Variants in CDH18 observed in about 807,000 individuals in gnomAD.
CDH18 encodes the protein cadherin-18.
A neutral mutation model predicts 67.9 loss-of-function variants in CDH18; 31 were observed. That is an observed-to-expected ratio of 0.46 (90% CI 0.34 to 0.62). The LOEUF (loss-of-function observed/expected upper bound fraction) is 0.62, where lower values mean the gene tolerates loss of function less well. Ranked by LOEUF, CDH18 falls within the 20% of genes least tolerant of loss-of-function variation. CDH18 has a pLI of 0.01. For missense variants in CDH18, 890 were observed against 975.5 expected (o/e 0.91, Z 1.17); for synonymous variants, 362 against 347.2 (o/e 1.04, Z -0.48).
chr5:20,556,979 T>C (rs941098191), intron 1 of CDH18, among the ~76,000 whole-genome samples: 2 of 152,140 alleles, frequency 1.3e-5, no homozygotes, highest in African/African-American at 4.8e-5. Context: ...GAAAAACCTA[T>C]TCCTAAGAGA....
At chr5:19,722,371 C>T (rs111980294) in intron 4 of CDH18, among the ~76,000 whole-genome samples, 1 of 151,680 alleles carries the variant, frequency 6.6e-6, no homozygotes, top group African/African-American at 2.4e-5. Context: ...CTACTAAGTT[C>T]AAATCTCATT....
At chr5:20,410,993 G>C (rs964821256) in intron 1 of CDH18, among the ~76,000 whole-genome samples, 5 of 151,752 alleles carry the variant, frequency 3.3e-5, no homozygotes, top group Non-Finnish European at 5.9e-5. Context: ...CCATATTTCT[G>C]GATTGTAATA....
At chr5:19,616,702 G>A (rs1213247962) in intron 5 of CDH18, among the ~76,000 whole-genome samples, 1 of 152,084 alleles carries the variant, frequency 6.6e-6, no homozygotes, top group Non-Finnish European at 1.5e-5. Context: ...AGACTATTGC[G>A]TTAATCTCTT....
intron 8 of CDH18, among the ~76,000 whole-genome samples, chr5:19,571,353 A>C (rs1741352459): frequency 6.6e-6 from 1 of 152,212 alleles, no homozygotes. Context: ...GAAAAAATTA[A>C]CATGTGGTCA....
At chr5:20,459,134 T>C (rs1751058532) in intron 1 of CDH18, among the ~76,000 whole-genome samples, 1 of 152,136 alleles carries the variant, frequency 6.6e-6, no homozygotes, top group African/African-American at 2.4e-5. Context: ...GACTGGTGAA[T>C]GCTTTTGAGA....
intron 1 of CDH18, among the ~76,000 whole-genome samples, chr5:20,559,090 GA>G (rs1758065667): frequency 6.6e-6 from 1 of 150,424 alleles, no homozygotes; most frequent in Non-Finnish European, 1.5e-5. Context: ...TCTTCCTTCT[GA>G]TTGGCCCCAA....
intron 2 of CDH18, among the ~76,000 whole-genome samples, chr5:20,187,053 A>C (rs1738158401): frequency 6.6e-6 from 1 of 151,896 alleles, no homozygotes; most frequent in Admixed American, 6.6e-5. Context: ...AAATATAAAT[A>C]CGGTATGATT....
intron 2 of CDH18, among the ~76,000 whole-genome samples, chr5:20,237,388 AT>A (rs1742558664): frequency 6.6e-6 from 1 of 151,932 alleles, no homozygotes; most frequent in African/African-American, 2.4e-5. Flanking sequence ...ATAAAAAGTT[AT>A]TTTTTTCCAC....
At chr5:20,312,812 A>G (rs1183906938) in intron 1 of CDH18, among the ~76,000 whole-genome samples, 1 of 152,038 alleles carries the variant, frequency 6.6e-6, no homozygotes, top group African/African-American at 2.4e-5. Context: ...TTATTACCCA[A>G]ATCTGAAGGC....
intron 2 of CDH18, among the ~76,000 whole-genome samples, chr5:20,248,883 TACAAAC>T (rs1360124436): frequency 6.6e-6 from 1 of 152,214 alleles, no homozygotes; most frequent in Non-Finnish European, 1.5e-5. Context: ...TAAATGAGTT[TACAAAC>T]ACAAATCACT....
intron 2 of CDH18, among the ~76,000 whole-genome samples, chr5:20,025,588 C>T (rs1738825345): frequency 6.6e-6 from 1 of 152,058 alleles, no homozygotes; most frequent in Non-Finnish European, 1.5e-5. Flanking sequence ...AGAGACAAAT[C>T]AACATTTTAT....
At chr5:20,132,286 A>G (rs1749333260) in intron 2 of CDH18, among the ~76,000 whole-genome samples, 1 of 152,074 alleles carries the variant, frequency 6.6e-6, no homozygotes, top group Non-Finnish European at 1.5e-5. Context: ...CACTTCCATA[A>G]TTTTTCCACT....
rs534746466 is a variant in CDH18, at chr5:19,554,775, T to C, written c.1254-10770A>G. Among the ~76,000 whole-genome samples, 600 of 152,126 alleles carry C rather than the reference T, an allele frequency of 3.9e-3. 1 individual carries two copies. The highest frequency in any genetic ancestry group is 6.4e-3 in the Non-Finnish European group (436 of 67,990). Reference sequence around the variant, plus strand: ...CTGTTAGATAAACTTTAACCAGAAATGGAAGATTTTTAGAGGTCTTCTATA... The same window carrying C: ...CTGTTAGATAAACTTTAACCAGAAACGGAAGATTTTTAGAGGTCTTCTATA... On this transcript the variant is annotated intron_variant, in intron 8 of 12. Transcript: ENST00000382275.
At chr5:19,812,075 T>C (rs1293224635) in intron 3 of CDH18, among the ~76,000 whole-genome samples, 1 of 152,146 alleles carries the variant, frequency 6.6e-6, no homozygotes, top group African/African-American at 2.4e-5. Context: ...AACAAAATGC[T>C]AGACAAAAAT....
At chr5:20,062,980 CT>C (rs1209806432) in intron 2 of CDH18, among the ~76,000 whole-genome samples, 2 of 111,886 alleles carry the variant, frequency 1.8e-5, no homozygotes, top group East Asian at 2.7e-4. Flanking sequence ...CAATATGCTT[CT>C]TTTTTCTTTC....
At chr5:19,532,313 G>A (rs549131707) in intron 9 of CDH18, among the ~76,000 whole-genome samples, 15 of 151,914 alleles carry the variant, frequency 9.9e-5, no homozygotes, top group East Asian at 9.7e-4. Flanking sequence ...AAAATATTCC[G>A]CATTTATGCT....
chr5:20,378,323 C>A (rs1383126280), intron 1 of CDH18, among the ~76,000 whole-genome samples: 1 of 152,076 alleles, frequency 6.6e-6, no homozygotes, highest in Non-Finnish European at 1.5e-5. Context: ...AGGCACCCAC[C>A]ACCACGCCCA....
chr5:20,371,780 G>T (rs1267040168), intron 1 of CDH18, among the ~76,000 whole-genome samples: 1 of 152,192 alleles, frequency 6.6e-6, no homozygotes, highest in Non-Finnish European at 1.5e-5. Context: ...ATGGGATTCA[G>T]AAGACTGACT....
chr5:19,599,181 T>A (rs10461988), intron 6 of CDH18, among the ~76,000 whole-genome samples: 1 of 152,068 alleles, frequency 6.6e-6, no homozygotes, highest in Admixed American at 6.5e-5. Flanking sequence ...CATACACAAA[T>A]ATATGTACAC....
Sources: gnomAD v4.1 joint callset for allele counts (sites outside exome capture counted in the v4.1 genomes callset) on GRCh38, gnomAD v4.1.1 for gene constraint, MANE v1.5 for transcripts, NCBI Gene and HGNC (gene_info 2026-07-23, HGNC 2026-07-21) for gene names.